The following METTL15 variants were observed in gnomAD, a reference collection of about 807,000 sequenced individuals.
METTL15 encodes methyltransferase 15, mitochondrial 12S rRNA N4-cytidine.
In METTL15, 34 loss-of-function variants were observed where a neutral mutation model predicts 38.3. The ratio of observed to expected loss-of-function variants is 0.89; its 90% CI spans 0.68 to 1.18. METTL15 has a LOEUF of 1.18. METTL15 is among the 50% of genes most tolerant of loss of function. The pLI is 0.00. For synonymous variants in METTL15, 162 were observed against 170.9 expected, an observed-to-expected ratio of 0.95 and a Z score of 0.41; for missense variants, 438 against 498.4, an observed-to-expected ratio of 0.88 and a Z score of 1.15.
At chr11:28,238,845 A>C (rs990659044) in intron 4 of METTL15, among the ~76,000 whole-genome samples, 1 of 152,212 alleles carries the variant, frequency 6.6e-6, no homozygotes, top group Non-Finnish European at 1.5e-5. Context: ...CTCCAGTGAT[A>C]TCCACAATGC....
chr11:28,474,834 C>G (rs924408440), intron 6 of METTL15, among the ~76,000 whole-genome samples: 2 of 152,096 alleles, frequency 1.3e-5, no homozygotes, highest in African/African-American at 2.4e-5. Context: ...TGTGTTGTTT[C>G]AATACTATTT....
intron 6 of METTL15, among the ~76,000 whole-genome samples, chr11:28,430,618 C>T (rs1252938386): frequency 3.7e-5 from 2 of 53,422 alleles, no homozygotes; most frequent in African/African-American, 1.5e-4. Flanking sequence ...GCCCTCCGCC[C>T]GGCCAGCCAC....
At chr11:28,376,596 G>T (rs557752513) in intron 5 of METTL15, among the ~76,000 whole-genome samples, 2 of 151,566 alleles carry the variant, frequency 1.3e-5, no homozygotes, top group East Asian at 3.9e-4. Flanking sequence ...TGCGGCATGG[G>T]TCTTGACTCT....
intron 4 of METTL15, among the ~76,000 whole-genome samples, chr11:28,228,275 T>G (rs1475350571): frequency 6.6e-6 from 1 of 151,916 alleles, no homozygotes; most frequent in Non-Finnish European, 1.5e-5. Context: ...TCCATATAAC[T>G]CTGGAACCAG....
intron 4 of METTL15, among the ~76,000 whole-genome samples, chr11:28,248,878 T>C (rs1854622872): frequency 6.6e-6 from 1 of 152,038 alleles, no homozygotes; most frequent in Admixed American, 6.6e-5. Flanking sequence ...CCCACAAAAC[T>C]CAATACCTCT....
intron 4 of METTL15, among the ~76,000 whole-genome samples, chr11:28,273,074 CTG>C (rs1855709289): frequency 6.6e-6 from 1 of 152,118 alleles, no homozygotes; most frequent in South Asian, 2.1e-4. Flanking sequence ...ATGATCATCT[CTG>C]TTAAAATATT....
At chr11:28,430,515 C>CA (rs1470664329) in intron 6 of METTL15, among the ~76,000 whole-genome samples, 1 of 34,526 alleles carries the variant, frequency 2.9e-5, no homozygotes, top group Non-Finnish European at 6.7e-5. Context: ...GGTCAGCCCC[C>CA]CACCCGGCCA....
At chr11:28,498,382 T>G (rs900711165) in intron 6 of METTL15, among the ~76,000 whole-genome samples, 1 of 152,024 alleles carries the variant, frequency 6.6e-6, no homozygotes, top group Non-Finnish European at 1.5e-5. Flanking sequence ...ATGGTCTCGA[T>G]CTCCTGACCT....
chr11:28,369,697 C>G (rs183435313), intron 5 of METTL15, among the ~76,000 whole-genome samples: 103 of 152,140 alleles, frequency 6.8e-4, no homozygotes, highest in Non-Finnish European at 1.6e-4. Flanking sequence ...AAGTGTCTTT[C>G]AAAGATGAAG....
chr11:28,517,847 G>A (rs35347860), intron 6 of METTL15, among the ~76,000 whole-genome samples: 60,430 of 152,106 alleles, frequency 0.4, 13,725 homozygotes, highest in Admixed American at 0.52. Flanking sequence ...TCAGCTGCAC[G>A]GGGAACAATG....
At chr11:28,440,356 A>G (rs950085382) in intron 6 of METTL15, among the ~76,000 whole-genome samples, 6 of 152,200 alleles carry the variant, frequency 3.9e-5, no homozygotes, top group African/African-American at 1.4e-4. Flanking sequence ...TTAAGTAGTA[A>G]TATCTATAGC....
intron 5 of METTL15, among the ~76,000 whole-genome samples, chr11:28,362,691 G>A (rs754523087): frequency 3.9e-5 from 6 of 152,118 alleles, no homozygotes; most frequent in Non-Finnish European, 7.4e-5. Flanking sequence ...TGCACAAGGG[G>A]CATGATTTTG....
intron 4 of METTL15, among the ~76,000 whole-genome samples, chr11:28,214,524 C>A (rs986526252): frequency 1.3e-5 from 2 of 152,068 alleles, no homozygotes; most frequent in African/African-American, 4.8e-5. Flanking sequence ...GGTAGTTAAT[C>A]AATGATAGGT....
At chr11:28,455,738 G>A (rs985693075) in intron 6 of METTL15, among the ~76,000 whole-genome samples, 4 of 151,994 alleles carry the variant, frequency 2.6e-5, no homozygotes, top group African/African-American at 9.7e-5. Context: ...ACGGAGTCTC[G>A]CTCTGTCACC....
chr11:28,127,296 T>C (rs920417947), intron 3 of METTL15, among the ~76,000 whole-genome samples: 2 of 151,998 alleles, frequency 1.3e-5, no homozygotes, highest in Non-Finnish European at 2.9e-5. Flanking sequence ...GTAAAAAGCA[T>C]AGGACAAAGC....
intron 3 of METTL15, among the ~76,000 whole-genome samples, chr11:28,185,748 T>C (rs946567694): frequency 6.6e-6 from 1 of 151,202 alleles, no homozygotes; most frequent in African/African-American, 2.4e-5. Context: ...GTTATTTATT[T>C]ATTCACTTAA....
intron 6 of METTL15, among the ~76,000 whole-genome samples, chr11:28,448,651 A>C (rs1029515527): frequency 1.3e-5 from 2 of 151,998 alleles, no homozygotes; most frequent in African/African-American, 4.8e-5. Context: ...CTCTAAATCT[A>C]CCTAAGTTAT....
chr11:28,451,626 T>A (rs1043018693), intron 6 of METTL15, among the ~76,000 whole-genome samples: 38 of 152,116 alleles, frequency 2.5e-4, no homozygotes, highest in Admixed American at 2.5e-3. Context: ...GTGTGTATAT[T>A]AGTGAATGGA....
At chr11:28,365,561 C>CA (rs936073646) in intron 5 of METTL15, among the ~76,000 whole-genome samples, 1 of 151,270 alleles carries the variant, frequency 6.6e-6, no homozygotes, top group Non-Finnish European at 1.5e-5. Context: ...AATCTTCTCT[C>CA]TTTTTTTTTC....
Sources: gnomAD v4.1 joint callset for allele counts (sites outside exome capture counted in the v4.1 genomes callset) on GRCh38, gnomAD v4.1.1 for gene constraint, MANE v1.5 for transcripts, NCBI Gene and HGNC (gene_info 2026-07-23, HGNC 2026-07-21) for gene names.